The following RIMS2 variants were observed in gnomAD, a reference collection of about 807,000 sequenced individuals.
RIMS2 encodes the protein regulating synaptic membrane exocytosis 2.
RIMS2 carries 59 observed loss-of-function variants against 174.4 expected under a neutral mutation model. That is an observed-to-expected ratio of 0.34 (90% CI 0.27 to 0.42). RIMS2 has a LOEUF of 0.42. RIMS2 is among the 10% of genes least tolerant of loss of function. The probability of loss-of-function intolerance (pLI) is 1.00; values close to 1 mark genes in which losing one functional copy is unlikely to be tolerated. For missense variants in RIMS2, 1,620 were observed against 1,666.3 expected (o/e 0.97, Z 0.48); for synonymous variants, 606 against 572.5 (o/e 1.06, Z -0.84).
intron 19 of RIMS2, among the ~76,000 whole-genome samples, chr8:104,176,919 G>A (rs143456787): frequency 8.4e-4 from 127 of 152,050 alleles, no homozygotes; most frequent in Non-Finnish European, 1.4e-3. Flanking sequence ...CTGACTAAAA[G>A]CAGTATGGTT....
chr8:103,956,883 A>G (rs544274257), intron 14 of RIMS2, among the ~76,000 whole-genome samples: 1 of 152,332 alleles, frequency 6.6e-6, no homozygotes, highest in Non-Finnish European at 1.5e-5. Context: ...AGAATCTACA[A>G]AGAACTTAAA....
intron 19 of RIMS2, among the ~76,000 whole-genome samples, chr8:104,129,731 G>A (rs2098459521): frequency 6.6e-6 from 1 of 152,190 alleles, no homozygotes; most frequent in African/African-American, 2.4e-5. Flanking sequence ...CTTAGCACTT[G>A]CCATGTTTTA....
intron 1 of RIMS2, among the ~76,000 whole-genome samples, chr8:103,625,636 C>T (rs2095763263): frequency 6.6e-6 from 1 of 151,992 alleles, no homozygotes; most frequent in Non-Finnish European, 1.5e-5. Flanking sequence ...GTTTGAATGA[C>T]ATCTCGAGAT....
At chr8:103,715,923 A>C (rs1398351846) in intron 2 of RIMS2, among the ~76,000 whole-genome samples, 2 of 152,020 alleles carry the variant, frequency 1.3e-5, no homozygotes, top group East Asian at 3.9e-4. Flanking sequence ...TTGTATATAA[A>C]ACTTTTTTCT....
chr8:103,898,092 T>C (rs1452820639), intron 4 of RIMS2, among the ~76,000 whole-genome samples: 1 of 151,684 alleles, frequency 6.6e-6, no homozygotes, highest in Non-Finnish European at 1.5e-5. Context: ...GATCTGACCA[T>C]TCCCATGACC....
chr8:103,794,719 A>G (rs2098535712), intron 3 of RIMS2, among the ~76,000 whole-genome samples: 1 of 152,238 alleles, frequency 6.6e-6, no homozygotes, highest in Non-Finnish European at 1.5e-5. Flanking sequence ...TCTACAAAGT[A>G]CTTAAACAAA....
chr8:104,055,745 C>G (rs1035387729), intron 19 of RIMS2, among the ~76,000 whole-genome samples: 2 of 152,192 alleles, frequency 1.3e-5, no homozygotes, highest in Admixed American at 6.5e-5. Context: ...AGCATTTGCA[C>G]TTTAGCCTAA....
intron 3 of RIMS2, among the ~76,000 whole-genome samples, chr8:103,829,041 T>C (rs960597734): frequency 6.6e-6 from 1 of 151,984 alleles, no homozygotes; most frequent in Non-Finnish European, 1.5e-5. Flanking sequence ...AGGATTGCTT[T>C]GGCTATTTGG....
intron 19 of RIMS2, among the ~76,000 whole-genome samples, chr8:104,105,438 C>T (rs1050717038): frequency 8.5e-5 from 13 of 152,122 alleles, no homozygotes; most frequent in African/African-American, 2.9e-4. Flanking sequence ...TTGCATTGTG[C>T]ATAGTGAAAA....
At chr8:104,044,371 A>G (rs1466454871) in intron 19 of RIMS2, among the ~76,000 whole-genome samples, 2 of 151,524 alleles carry the variant, frequency 1.3e-5, no homozygotes, top group Non-Finnish European at 3.0e-5. Flanking sequence ...ATAATAAGGA[A>G]TTTAAGCTTA....
intron 19 of RIMS2, among the ~76,000 whole-genome samples, chr8:104,173,056 A>AT (rs1301125708): frequency 5.3e-5 from 8 of 152,286 alleles, no homozygotes; most frequent in Non-Finnish European, 7.4e-5. Flanking sequence ...TATCTAGCAC[A>AT]TTTTTTGTAG....
At chr8:104,169,473 G>C (rs540662715) in intron 19 of RIMS2, among the ~76,000 whole-genome samples, 2 of 151,612 alleles carry the variant, frequency 1.3e-5, no homozygotes, top group East Asian at 1.9e-4. Flanking sequence ...GTGTGGAAAG[G>C]TGTTCATAGT....
chr8:103,745,186 T>C (rs1444203430), intron 2 of RIMS2, among the ~76,000 whole-genome samples: 1 of 152,234 alleles, frequency 6.6e-6, no homozygotes, highest in East Asian at 1.9e-4. Flanking sequence ...GTCACTCCCT[T>C]ACTTCCCTAT....
intron 4 of RIMS2, among the ~76,000 whole-genome samples, chr8:103,901,385 CTGCCCTTAG>C (rs1316741486): frequency 2.6e-5 from 4 of 152,134 alleles, no homozygotes; most frequent in African/African-American, 9.7e-5. Context: ...TTTCAGGAAT[CTGCCCTTAG>C]TGTGGCAAAC....
At chr8:103,659,815 A>G (rs2096575393) in intron 1 of RIMS2, among the ~76,000 whole-genome samples, 1 of 152,182 alleles carries the variant, frequency 6.6e-6, no homozygotes, top group Admixed American at 6.5e-5. Flanking sequence ...GGAGCGTTTC[A>G]CTGAGATTGG....
intron 19 of RIMS2, among the ~76,000 whole-genome samples, chr8:104,088,529 G>A (rs2097576884): frequency 6.6e-6 from 1 of 151,996 alleles, no homozygotes; most frequent in Non-Finnish European, 1.5e-5. Flanking sequence ...GATAGCATGA[G>A]ACTTGTTTTT....
chr8:103,514,413 C>T (rs1281931510), intron 1 of RIMS2, among the ~76,000 whole-genome samples: 1 of 152,064 alleles, frequency 6.6e-6, no homozygotes, highest in Admixed American at 6.6e-5. Context: ...AGGTGTATGT[C>T]ATATTGAGAT....
chr8:103,911,355 G>T (rs912316252), intron 5 of RIMS2, among the ~76,000 whole-genome samples: 3 of 152,020 alleles, frequency 2.0e-5, no homozygotes, highest in Non-Finnish European at 4.4e-5. Flanking sequence ...GAATATCATT[G>T]AATTATCTAG....
intron 3 of RIMS2, among the ~76,000 whole-genome samples, chr8:103,834,994 C>T (rs1336667365): frequency 1.3e-5 from 2 of 151,850 alleles, no homozygotes; most frequent in African/African-American, 4.8e-5. Context: ...GGGTCTTGAA[C>T]TCCTGGACTC....
Sources: allele counts gnomAD v4.1 joint callset (sites outside exome capture counted in the v4.1 genomes callset), GRCh38; gene constraint gnomAD v4.1.1; transcripts MANE v1.5; gene names NCBI Gene and HGNC (gene_info 2026-07-23, HGNC 2026-07-21).